The following UVRAG variants were observed in gnomAD, a reference collection of about 807,000 sequenced individuals.
The protein encoded by UVRAG is UV radiation resistance-associated gene protein.
A neutral mutation model predicts 78.0 loss-of-function variants in UVRAG; 19 were observed. The observed-to-expected ratio is 0.24, with a 90% CI of 0.17 to 0.36. The LOEUF is 0.36. Ranked by LOEUF, UVRAG falls within the 10% of genes least tolerant of loss-of-function variation. The probability of loss-of-function intolerance (pLI) is 1.00; values close to 1 mark genes in which losing one functional copy is unlikely to be tolerated. For missense variants in UVRAG, 740 were observed against 853.8 expected, an observed-to-expected ratio of 0.87 and a Z score of 1.66; for synonymous variants, 323 against 324.6, an observed-to-expected ratio of 1.00 and a Z score of 0.05.
intron 9 of UVRAG, among the ~76,000 whole-genome samples, chr11:76,007,313 C>G (rs997913990): frequency 6.6e-6 from 1 of 152,118 alleles, no homozygotes; most frequent in African/African-American, 2.4e-5. Context: ...TAGCATGGTA[C>G]TAATCACACA....
chr11:75,933,475 G>C (rs1259647995), intron 6 of UVRAG, among the ~76,000 whole-genome samples: 1 of 152,136 alleles, frequency 6.6e-6, no homozygotes, highest in African/African-American at 2.4e-5. Context: ...TATCCCACAA[G>C]CACAGGCAAC....
chr11:75,928,939 C>CAAAAAAAAAAAAAA (rs368913080), intron 6 of UVRAG, among the ~76,000 whole-genome samples: 10 of 67,488 alleles, frequency 1.5e-4, no homozygotes, highest in African/African-American at 7.8e-4. Context: ...GAGACTGTCT[C>CAAAAAAAAAAAAAA]AAAAAAAAAA....
intron 1 of UVRAG, among the ~76,000 whole-genome samples, chr11:75,829,611 G>T (rs1436159528): frequency 6.6e-6 from 1 of 152,196 alleles, no homozygotes; most frequent in Non-Finnish European, 1.5e-5. Flanking sequence ...CTAACCTTCT[G>T]GTGCATGAGA....
At chr11:76,086,078 ACC>A (rs1371938762) in intron 13 of UVRAG, among the ~76,000 whole-genome samples, 2 of 152,192 alleles carry the variant, frequency 1.3e-5, no homozygotes, top group Admixed American at 6.5e-5. Context: ...AGGGAAAACA[ACC>A]TGCTTTAAAT....
At chr11:76,085,699 C>T (rs1208607753) in intron 13 of UVRAG, among the ~76,000 whole-genome samples, 1 of 152,128 alleles carries the variant, frequency 6.6e-6, no homozygotes, top group African/African-American at 2.4e-5. Context: ...ATTATATATA[C>T]ATCTGCTTGT....
chr11:76,054,839 A>G (rs1024995176), intron 12 of UVRAG, among the ~76,000 whole-genome samples: 4 of 152,236 alleles, frequency 2.6e-5, no homozygotes, highest in East Asian at 1.9e-4. Flanking sequence ...AAGAGTGCCT[A>G]TCACAAGGTG....
intron 4 of UVRAG, among the ~76,000 whole-genome samples, chr11:75,887,692 C>T (rs1241772835): frequency 1.3e-5 from 2 of 152,178 alleles, no homozygotes; most frequent in Admixed American, 6.5e-5. Context: ...CGTGATCCAC[C>T]CGCCTTGGCC....
rs181450948 is a variant in UVRAG at position 75,994,311 on chromosome 11, A to G, written c.827-9694A>G. On this transcript the variant is annotated intron_variant, in intron 8 of 14. Transcript: ENST00000356136. Reference sequence around the variant, plus strand: ...CAGAAGTTCTTATGTTTGATCCTTAAAGCATCTCTGAAAGCTAAGTAGGGC... The same window carrying G: ...CAGAAGTTCTTATGTTTGATCCTTAGAGCATCTCTGAAAGCTAAGTAGGGC... Among the ~76,000 whole-genome samples, 10 of 152,318 alleles carry G rather than the reference A, an allele frequency of 6.6e-5. No homozygotes were observed. In the East Asian group the frequency reaches 1.7e-3, roughly 26 times the overall value.
chr11:75,816,319 A>G (rs181746272), intron 1 of UVRAG, among the ~76,000 whole-genome samples: 2 of 152,218 alleles, frequency 1.3e-5, no homozygotes, highest in African/African-American at 4.8e-5. Flanking sequence ...TTTCACTCAC[A>G]TATCTGTAGA....
chr11:75,886,965 A>C (rs994445048), intron 4 of UVRAG, among the ~76,000 whole-genome samples: 6 of 148,806 alleles, frequency 4.0e-5, no homozygotes, highest in African/African-American at 1.5e-4. Context: ...TGAGTTCCTT[A>C]ATTTTGTTTT....
At chr11:75,997,852 T>C (rs1320459589) in intron 8 of UVRAG, among the ~76,000 whole-genome samples, 1 of 152,212 alleles carries the variant, frequency 6.6e-6, no homozygotes, top group Admixed American at 6.5e-5. Context: ...TAATTGAGCC[T>C]GTTGGCCCAT....
At chr11:75,835,468 T>A (rs550489272) in intron 1 of UVRAG, 2 of 152,364 alleles carry the variant, frequency 1.3e-5, no homozygotes, top group African/African-American at 4.8e-5. Context: ...TACCACTCAT[T>A]AGTGAGCAAG....
intron 1 of UVRAG, among the ~76,000 whole-genome samples, chr11:75,831,489 A>AG (rs1945654585): frequency 6.8e-6 from 1 of 146,990 alleles, no homozygotes; most frequent in African/African-American, 2.7e-5. Flanking sequence ...ACTCCTTCTC[A>AG]AAAAACAAAC....
chr11:75,817,731 G>T (rs1311682276), intron 1 of UVRAG, among the ~76,000 whole-genome samples: 1 of 151,960 alleles, frequency 6.6e-6, no homozygotes, highest in Non-Finnish European at 1.5e-5. Context: ...AGTTATGTAA[G>T]TACTACCCAG....
At chr11:76,130,778 C>T (rs577267792) in intron 14 of UVRAG, among the ~76,000 whole-genome samples, 1 of 152,330 alleles carries the variant, frequency 6.6e-6, no homozygotes, top group Admixed American at 6.5e-5. Context: ...GAGTCTAATG[C>T]ATCCTTTAGC....
chr11:76,019,255 G>A (rs1048301194), intron 12 of UVRAG, among the ~76,000 whole-genome samples: 7 of 152,114 alleles, frequency 4.6e-5, no homozygotes, highest in African/African-American at 1.7e-4. Flanking sequence ...GTATTATCTT[G>A]AATTTCTTTG....
At chr11:75,887,294 C>T (rs900340559) in intron 4 of UVRAG, among the ~76,000 whole-genome samples, 3 of 151,566 alleles carry the variant, frequency 2.0e-5, no homozygotes, top group Non-Finnish European at 2.9e-5. Flanking sequence ...TACAGGCGCC[C>T]GCCACCATGC....
At chr11:76,126,226 C>T (rs1952389764) in intron 14 of UVRAG, among the ~76,000 whole-genome samples, 1 of 151,770 alleles carries the variant, frequency 6.6e-6, no homozygotes, top group African/African-American at 2.4e-5. Flanking sequence ...CAGGCGTGAG[C>T]CACCATGCCC....
At chr11:75,887,390 C>T (rs1005317315) in intron 4 of UVRAG, among the ~76,000 whole-genome samples, 4 of 151,474 alleles carry the variant, frequency 2.6e-5, no homozygotes, top group African/African-American at 9.7e-5. Flanking sequence ...AAGTGATCCG[C>T]CGCCTTGGCC....
Sources: gnomAD v4.1 joint callset for allele counts (sites outside exome capture counted in the v4.1 genomes callset) on GRCh38, gnomAD v4.1.1 for gene constraint, MANE v1.5 for transcripts, NCBI Gene and HGNC (gene_info 2026-07-23, HGNC 2026-07-21) for gene names.